UNC5C: variants seen among roughly 807,000 people sequenced by gnomAD.
UNC5C encodes netrin receptor UNC5C.
UNC5C carries 47 observed loss-of-function variants against 99.8 expected under a neutral mutation model. The observed-to-expected ratio is 0.47, with a 90% CI of 0.37 to 0.60. The LOEUF is 0.60. UNC5C is among the 20% of genes least tolerant of loss of function. The pLI is 0.00. For synonymous variants in UNC5C, 487 were observed against 452.2 expected (o/e 1.08, Z -0.98); for missense variants, 1,062 against 1,165.9 (o/e 0.91, Z 1.30).
chr4:95,216,090 G>T, intron 10 of UNC5C, 34 bp downstream of exon 10: 1 of 1,566,662 alleles, frequency 6.4e-7, no homozygotes, highest in Non-Finnish European at 8.8e-7. Flanking sequence ...GTTAGACATT[G>T]GTAAAGTCAG....
chr4:95,486,797 A>G lies in UNC5C; in HGVS notation c.124+61937T>C, dbSNP rs1280403409. Among the ~76,000 whole-genome samples, 3 of 151,722 alleles carry G rather than the reference A, an allele frequency of 2.0e-5. No individual in the cohort carries two copies. The East Asian group carries it at 5.9e-4, about 30-fold the overall frequency. On this transcript the variant is annotated intron_variant, in intron 1 of 15. Coordinates refer to ENST00000453304, the MANE Select transcript of UNC5C (RefSeq NM_003728.4). ...TCTTTTATAGAACTTATCACAATGT[A>G]CTATGAAAATTGATATACTGCTACA...
chr4:95,491,704 T>C (rs1399522241), intron 1 of UNC5C, among the ~76,000 whole-genome samples: 2 of 151,632 alleles, frequency 1.3e-5, no homozygotes, highest in African/African-American at 4.8e-5. Flanking sequence ...AAATTATAAC[T>C]ATCAATTATA....
chr4:95,298,239 G>A (rs1407426851), intron 3 of UNC5C, among the ~76,000 whole-genome samples: 3 of 152,146 alleles, frequency 2.0e-5, no homozygotes, highest in Non-Finnish European at 2.9e-5. Flanking sequence ...CTGAGCCTGC[G>A]AGACTGAGGC....
Position 95,202,920 on chromosome 4 carries a change from G to A in UNC5C, c.1947C>T (p.Tyr649=), listed in dbSNP as rs1237058564. The A allele has an allele frequency of 6.2e-7, 1 of 1,614,218 alleles. No homozygotes were observed. Among genetic ancestry groups the A allele is most frequent in the Admixed American group, 1.7e-5 (1 of 60,028 alleles). The change falls in exon 12 of 16, where the codon TAC becomes TAT. Residue 649 remains tyrosine (Y), a synonymous_variant. Coordinates refer to ENST00000453304, the MANE Select transcript of UNC5C (RefSeq NM_003728.4). The part of the protein sequence containing the change: ...VGEENFTTPC[Y]IQLDAEACHI... ...GGCAGGCCTCTGCATCCAGCTGAAT[G>A]TAGCAGGGGGTGGTGAAGTTTTCCT...
At chr4:95,332,908 A>C (rs1198154089) in intron 2 of UNC5C, among the ~76,000 whole-genome samples, 7 of 152,206 alleles carry the variant, frequency 4.6e-5, no homozygotes, top group South Asian at 2.1e-4. Flanking sequence ...AAAGTGGGCA[A>C]AGGACATGAA....
rs757040995 is a variant in UNC5C at position 95,291,946 on chromosome 4, CA to C, written c.490+9659del. 1.2e-4 allele frequency among the ~76,000 whole-genome samples: 18 copies of C among 151,944 alleles called. No homozygotes were observed. In the East Asian group the frequency reaches 3.1e-3, roughly 26 times the overall value. On this transcript the variant is annotated intron_variant, in intron 3 of 15. Transcript: ENST00000453304. Reference sequence around the variant, plus strand: ...TAAAAATGCCATTTATTCTGGTGTACAGGGGAGCCTGCTGAATCCTGCCAGT... The same window carrying C: ...TAAAAATGCCATTTATTCTGGTGTACGGGGAGCCTGCTGAATCCTGCCAGT...
At chr4:95,448,053 A>T (rs952119669) in intron 1 of UNC5C, among the ~76,000 whole-genome samples, 2 of 152,130 alleles carry the variant, frequency 1.3e-5, no homozygotes, top group Non-Finnish European at 2.9e-5. Context: ...GAAAAGCAAC[A>T]CTTGTAACGT....
intron 12 of UNC5C, among the ~76,000 whole-genome samples, chr4:95,202,137 C>T (rs1438110221): frequency 6.6e-6 from 1 of 152,194 alleles, no homozygotes; most frequent in African/African-American, 2.4e-5. Context: ...CTCTGACTTA[C>T]CTCCTCAACC....
chr4:95,292,100 C>G (rs1741477641), intron 3 of UNC5C, among the ~76,000 whole-genome samples: 1 of 151,008 alleles, frequency 6.6e-6, no homozygotes, highest in Non-Finnish European at 1.5e-5. Context: ...GTAGAGTAGA[C>G]AGGTAGAAAA....
chr4:95,175,989 C>A (rs1237607772), intron 14 of UNC5C, among the ~76,000 whole-genome samples: 2 of 151,762 alleles, frequency 1.3e-5, no homozygotes, highest in Non-Finnish European at 2.9e-5. Flanking sequence ...TCATTTCATT[C>A]ACTTCATCTT....
chr4:95,190,586 G>A (rs1430603025), intron 12 of UNC5C, among the ~76,000 whole-genome samples: 3 of 152,078 alleles, frequency 2.0e-5, no homozygotes, highest in South Asian at 4.1e-4. Context: ...CCAAAGTGCT[G>A]GGATTACAGG....
rs1336773630 is a variant in UNC5C at position 95,166,852 on chromosome 4, T to TA, written c.*2381dup. 1 of 152,198 alleles carries TA rather than the reference T, an allele frequency of 6.6e-6. No homozygotes were observed. The highest frequency in any genetic ancestry group is 1.5e-5 in the Non-Finnish European group (1 of 68,034). The allele number at this position is 152,198 out of a possible 1,614,324, so 9.4% of individuals were successfully genotyped here. A position where few individuals can be genotyped will look rare whatever the true frequency, so the allele number is the denominator to read the frequency against. On this transcript the variant is annotated 3_prime_UTR_variant, in exon 16 of 16. Coordinates refer to ENST00000453304, the MANE Select transcript of UNC5C (RefSeq NM_003728.4). ...TATATATTTGATTTTTAATTTAGAA[T>TA]ACAGTTTTACTCATTGCTACAAACA... is the stretch of plus-strand genomic sequence containing the variant.
intron 4 of UNC5C, among the ~76,000 whole-genome samples, chr4:95,270,376 A>C (rs1336185303): frequency 6.6e-6 from 1 of 152,194 alleles, no homozygotes; most frequent in Non-Finnish European, 1.5e-5. Context: ...GCTTTAAAAA[A>C]AATGTTGGTC....
intron 1 of UNC5C, among the ~76,000 whole-genome samples, chr4:95,498,709 G>GT (rs5860410): frequency 2.3e-4 from 35 of 149,298 alleles, no homozygotes; most frequent in Middle Eastern, 3.4e-3. Flanking sequence ...AACATACAGT[G>GT]TTTTTTTTTT....
chr4:95,208,710 C>T (rs909282519), intron 10 of UNC5C, among the ~76,000 whole-genome samples: 17 of 152,156 alleles, frequency 1.1e-4, no homozygotes, highest in Non-Finnish European at 1.8e-4. Flanking sequence ...TTTAGTTCCA[C>T]CAAATATAAA....
At chr4:95,491,606 T>G (rs1721493940) in intron 1 of UNC5C, among the ~76,000 whole-genome samples, 1 of 151,564 alleles carries the variant, frequency 6.6e-6, no homozygotes, top group Admixed American at 6.6e-5. Context: ...GTGAACCCAC[T>G]TAGGGTTACA....
At chr4:95,303,545 G>A (rs573745858) in intron 2 of UNC5C, among the ~76,000 whole-genome samples, 1 of 151,990 alleles carries the variant, frequency 6.6e-6, no homozygotes, top group African/African-American at 2.4e-5. Flanking sequence ...GCATGGTGGC[G>A]CACGCCTGTA....
chr4:95,333,096 A>G (rs1743185588), intron 2 of UNC5C, among the ~76,000 whole-genome samples: 1 of 152,180 alleles, frequency 6.6e-6, no homozygotes, highest in Admixed American at 6.5e-5. Context: ...GGTGTGGAGA[A>G]ATAGGAACAC....
intron 1 of UNC5C, among the ~76,000 whole-genome samples, chr4:95,399,195 CA>C (rs1244188096): frequency 6.6e-6 from 1 of 151,690 alleles, no homozygotes; most frequent in Admixed American, 6.6e-5. Context: ...TTAAAAAGGA[CA>C]AAAAAATGAC....
Sources: gnomAD v4.1 joint callset for allele counts (sites outside exome capture counted in the v4.1 genomes callset) on GRCh38, gnomAD v4.1.1 for gene constraint, MANE v1.5 for transcripts, NCBI Gene and HGNC (gene_info 2026-07-23, HGNC 2026-07-21) for gene names.